The following ASRGL1 variants were observed in gnomAD, a reference collection of about 807,000 sequenced individuals.
ASRGL1 encodes the protein isoaspartyl peptidase/L-asparaginase.
Under a neutral mutation model 22.4 loss-of-function variants are expected in ASRGL1, and 16 were observed. The observed-to-expected ratio is 0.71, with a 90% CI of 0.48 to 1.08. The LOEUF (loss-of-function observed/expected upper bound fraction) is 1.08, where lower values mean the gene tolerates loss of function less well. Ranked by LOEUF, ASRGL1 falls within the 50% of genes least tolerant of loss-of-function variation. The pLI is 0.00. For missense variants in ASRGL1, 412 were observed against 410.1 expected (o/e 1.00, Z -0.04); for synonymous variants, 165 against 159.3 (o/e 1.04, Z -0.27).
downstream of ASRGL1, among the ~76,000 whole-genome samples, chr11:62,397,881 A>G (rs11231075): frequency 0.31 from 47,649 of 151,978 alleles, 7,612 homozygotes; most frequent in South Asian, 0.43. Flanking sequence ...TCAATATTCA[A>G]ATTTCCCCAG....
intron 4 of ASRGL1, among the ~76,000 whole-genome samples, chr11:62,365,397 T>A (rs957082573): frequency 1.3e-5 from 2 of 150,848 alleles, no homozygotes; most frequent in Admixed American, 6.6e-5. Flanking sequence ...CTACTAAATA[T>A]ACAAAAATTA....
rs146912154 is a variant in ASRGL1 at position 62,386,811 on chromosome 11, A to G, written c.492-2322A>G. 9.3e-4 allele frequency among the ~76,000 whole-genome samples: 141 copies of G among 152,236 alleles called. 4 individuals are homozygous for G. In the East Asian group the frequency reaches 0.025, roughly 27 times the overall value. ...AACAGCAGTACTGAATGAGAGTTCC[A>G]CTTCCTGCACATCCTTGCCAGGTTT... On this transcript the variant is annotated intron_variant, in intron 4 of 6. Transcript: ENST00000415229.
chr11:62,371,447 C>G (rs1946763665), intron 4 of ASRGL1: 1 of 586,086 alleles, frequency 1.7e-6, no homozygotes, highest in Non-Finnish European at 3.0e-6. Context: ...TGTGTTTACT[C>G]AAGGTTTAAT....
intron 4 of ASRGL1, among the ~76,000 whole-genome samples, chr11:62,362,549 TAAC>T (rs1565161974): frequency 2.7e-4 from 4 of 15,060 alleles, no homozygotes; most frequent in South Asian, 2.2e-3. Context: ...ATAAAATATA[TAAC>T]ATATATTATT....
rs888959494 is a variant in ASRGL1 at position 62,374,914 on chromosome 11, C to G, written c.492-14219C>G. 1.3e-5 allele frequency among the ~76,000 whole-genome samples: 2 copies of G among 152,170 alleles called. 1 individual carries two copies. The highest frequency in any genetic ancestry group is 3.9e-4 in the East Asian group (2 of 5,184). On this transcript the variant is annotated intron_variant, in intron 4 of 6. Coordinates refer to ENST00000415229, the MANE Select transcript of ASRGL1 (RefSeq NM_001083926.2). ...CTGATCCATTTCCCTGGACAGGTCT[C>G]TCCTGGAACGCAGCCCAGGCACCTG...
intron 4 of ASRGL1, among the ~76,000 whole-genome samples, chr11:62,374,880 T>C (rs1371048676): frequency 6.6e-6 from 1 of 152,156 alleles, no homozygotes; most frequent in Non-Finnish European, 1.5e-5. Context: ...CAAGCTTCCA[T>C]GCGACAGCCT....
Position 62,368,550 on chromosome 11 carries a change from CAG to C in ASRGL1, c.491+11410_491+11411del, listed in dbSNP as rs151048279. Among the ~76,000 whole-genome samples, 1,230 of 152,234 alleles carry C rather than the reference CAG, an allele frequency of 8.1e-3. 9 individuals carry two copies. Among genetic ancestry groups the C allele is most frequent in the Middle Eastern group, 0.014 (4 of 294 alleles). On this transcript the variant is annotated intron_variant, in intron 4 of 6. Coordinates refer to ENST00000415229, the MANE Select transcript of ASRGL1 (RefSeq NM_001083926.2). Reference sequence around the variant, plus strand: ...GTTTCTCGTCAGGTGGGACGAGAGACAGAGAAAAGAAAGAGACACAGAGACAA... The same window carrying C: ...GTTTCTCGTCAGGTGGGACGAGAGACAGAAAAGAAAGAGACACAGAGACAA...
chr11:62,357,852 G>A (rs907839313), intron 4 of ASRGL1, among the ~76,000 whole-genome samples: 15 of 152,076 alleles, frequency 9.9e-5, no homozygotes, highest in Non-Finnish European at 1.9e-4. Context: ...AGTTTATAAT[G>A]GAATTAAATC....
At chr11:62,378,783 C>A (rs1480111675) in intron 4 of ASRGL1, among the ~76,000 whole-genome samples, 1 of 152,068 alleles carries the variant, frequency 6.6e-6, no homozygotes, top group East Asian at 1.9e-4. Flanking sequence ...AATGTAAAGC[C>A]TCCAGTTTTT....
chr11:62,379,938 T>A (rs1374667892), intron 4 of ASRGL1, among the ~76,000 whole-genome samples: 1 of 151,178 alleles, frequency 6.6e-6, no homozygotes, highest in Non-Finnish European at 1.5e-5. Flanking sequence ...ATAGTGTTTT[T>A]CTTTTTTACA....
chr11:62,384,752 TACTGAA>T (rs1356195566), intron 4 of ASRGL1, among the ~76,000 whole-genome samples: 1 of 136,280 alleles, frequency 7.3e-6, no homozygotes, highest in Non-Finnish European at 1.6e-5. Flanking sequence ...ACCCCGTCTC[TACTGAA>T]AGACAAAAAA....
At chr11:62,362,129 A>G (rs1946449019) in intron 4 of ASRGL1, among the ~76,000 whole-genome samples, 1 of 152,034 alleles carries the variant, frequency 6.6e-6, no homozygotes, top group Admixed American at 6.6e-5. Context: ...TGTTTCTAGG[A>G]TGCATGACCT....
At chr11:62,400,681 A>G in the ASRGL1 span, among the ~76,000 whole-genome samples, 25 of 152,044 alleles carry the variant, frequency 1.6e-4, no homozygotes, top group South Asian at 4.1e-4. Context: ...CCATTTTCCA[A>G]TCGGGGCCCC....
At chr11:62,386,028 GAC>G (rs982661271) in intron 4 of ASRGL1, among the ~76,000 whole-genome samples, 2 of 152,018 alleles carry the variant, frequency 1.3e-5, no homozygotes, top group African/African-American at 4.8e-5. Context: ...TGGGCATGGT[GAC>G]ACACGCCTGT....
At chr11:62,391,445 C>T (rs1947334071) in intron 5 of ASRGL1, 77 bp from the exon 6 acceptor site, 1 of 1,517,404 alleles carries the variant, frequency 6.6e-7, no homozygotes, top group Non-Finnish European at 8.9e-7. Context: ...ATTTAACTTT[C>T]ATGTAGCGTC....
chr11:62,362,584 A>AAT lies in ASRGL1; in HGVS notation c.491+5446_491+5447dup, dbSNP rs1168572119. Among the ~76,000 whole-genome samples, 70 of 26,530 alleles carry AAT rather than the reference A, an allele frequency of 2.6e-3. 5 individuals carry two copies. The highest frequency in any genetic ancestry group is 7.4e-3 in the South Asian group (8 of 1,076). The allele number at this position is 26,530 out of a possible 152,430, so 17.4% of individuals were successfully genotyped here. Reference sequence around the variant, plus strand: ...TATTTATATAATATATATTATATAAAATATATAATATATATTATATAAAAT... The same window carrying AAT: ...TATTTATATAATATATATTATATAAAATATATATAATATATATTATATAAAAT... On this transcript the variant is annotated intron_variant, in intron 4 of 6. Transcript: ENST00000415229.
chr11:62,391,590 A>G lies in ASRGL1; in HGVS notation c.679A>G (p.Lys227Glu), dbSNP rs1390417290. 1 of 1,612,558 alleles carries G rather than the reference A, an allele frequency of 6.2e-7. No homozygotes were observed. Among genetic ancestry groups the G allele is most frequent in the Admixed American group, 1.7e-5 (1 of 59,836 alleles). The stretch of plus-strand genomic sequence containing the variant: ...CACAGGGCATGGGGAAAGCATCCTG[A>G]AGGTGAACCTGGCTAGACTCACCCT... ...STTGHGESILKVNLARLTLFH... is the reference protein window; with the variant it reads ...STTGHGESILEVNLARLTLFH... The change falls in exon 6 of 7, where the codon AAG becomes GAG. Residue 227 changes from lysine (K) to glutamate (E), a missense_variant. Physicochemically the swap from Lys to Glu is moderately conservative, Grantham distance 56. Coordinates refer to ENST00000415229, the MANE Select transcript of ASRGL1 (RefSeq NM_001083926.2).
rs1260624386 is a variant in ASRGL1, at chr11:62,393,176, T to TC, written c.*895dup. ...ACCCTGTCCAGTGCTTTGAGATTCT[T>TC]CCCACCTCCCCATCCTCACCAGCCG... On this transcript the variant is annotated 3_prime_UTR_variant, in exon 7 of 7. Transcript: ENST00000415229. 2 of 152,274 alleles carry TC rather than the reference T, an allele frequency of 1.3e-5. No individual in the cohort carries two copies. The highest frequency in any genetic ancestry group is 4.8e-5 in the African/African-American group (2 of 41,416). 9.4% of individuals were successfully genotyped at this position (152,274 alleles called of 1,614,324 possible).
chr11:62,381,313 A>C (rs1251150585), intron 4 of ASRGL1, among the ~76,000 whole-genome samples: 1 of 152,160 alleles, frequency 6.6e-6, no homozygotes, highest in Non-Finnish European at 1.5e-5. Flanking sequence ...CTAATGCTTC[A>C]GGATATATTA....
Sources: gnomAD v4.1 joint callset for allele counts (sites outside exome capture counted in the v4.1 genomes callset) on GRCh38, gnomAD v4.1.1 for gene constraint, MANE v1.5 for transcripts, NCBI Gene and HGNC (gene_info 2026-07-23, HGNC 2026-07-21) for gene names.